CAST: variants seen among roughly 807,000 people sequenced by gnomAD.
The protein encoded by CAST is MIR583 host.
A neutral mutation model predicts 119.6 loss-of-function variants in CAST; 76 were observed. The ratio of observed to expected loss-of-function variants is 0.64; its 90% CI spans 0.53 to 0.77. CAST has a LOEUF of 0.77. Ranked by LOEUF, CAST falls within the 30% of genes least tolerant of loss-of-function variation. The probability of loss-of-function intolerance (pLI) is 0.00; values close to 1 mark genes in which losing one functional copy is unlikely to be tolerated. For missense variants in CAST, 953 were observed against 946.5 expected, an observed-to-expected ratio of 1.01 and a Z score of -0.09; for synonymous variants, 319 against 331.6, an observed-to-expected ratio of 0.96 and a Z score of 0.41.
chr5:96,675,321 G>C (rs1350988256), intron 1 of CAST, among the ~76,000 whole-genome samples: 1 of 152,210 alleles, frequency 6.6e-6, no homozygotes, highest in East Asian at 1.9e-4. Context: ...TCTGCATCTA[G>C]TTAATTACAG....
At chr5:96,766,638 C>G (rs952170611) in intron 27 of CAST, among the ~76,000 whole-genome samples, 2 of 152,186 alleles carry the variant, frequency 1.3e-5, no homozygotes, top group African/African-American at 4.8e-5. Flanking sequence ...AATCACAAAT[C>G]CTGTTTCTCT....
intron 24 of CAST, among the ~76,000 whole-genome samples, chr5:96,758,156 T>C (rs761352608): frequency 2.0e-5 from 3 of 152,296 alleles, no homozygotes; most frequent in Non-Finnish European, 4.4e-5. Flanking sequence ...CTTTTATTAG[T>C]GTAACTAATA....
At chr5:96,724,190 T>TAA (rs1561526014) in intron 4 of CAST, among the ~76,000 whole-genome samples, 4 of 152,030 alleles carry the variant, frequency 2.6e-5, no homozygotes, top group Non-Finnish European at 5.9e-5. Context: ...AAAAATCTTT[T>TAA]TTTTTCCTTG....
chr5:96,135,325 G>A, the CAST span, among the ~76,000 whole-genome samples: 1 of 152,150 alleles, frequency 6.6e-6, no homozygotes, highest in Non-Finnish European at 1.5e-5. Context: ...TGGGACCAGG[G>A]GTGGCAGTGA....
chr5:96,073,151 C>T, the CAST span, among the ~76,000 whole-genome samples: 1 of 152,206 alleles, frequency 6.6e-6, no homozygotes, highest in Admixed American at 6.5e-5. Context: ...ACATACACAA[C>T]ACTGGTAACA....
the CAST span, among the ~76,000 whole-genome samples, chr5:96,432,636 C>A: frequency 7.5e-4 from 114 of 152,322 alleles, no homozygotes; most frequent in Non-Finnish European, 8.8e-5. Context: ...AAGCCCTACC[C>A]AGCTGCAGCG....
chr5:96,467,880 CT>C, the CAST span, among the ~76,000 whole-genome samples: 2 of 152,084 alleles, frequency 1.3e-5, no homozygotes, highest in Admixed American at 1.3e-4. Flanking sequence ...AATCTCACTA[CT>C]GGGTATCTAC....
At chr5:96,492,002 A>G in the CAST span, among the ~76,000 whole-genome samples, 1 of 152,242 alleles carries the variant, frequency 6.6e-6, no homozygotes, top group African/African-American at 2.4e-5. Flanking sequence ...AATAACTAGA[A>G]GAAGGCACAG....
the CAST span, among the ~76,000 whole-genome samples, chr5:96,446,883 C>T: frequency 6.6e-6 from 1 of 152,202 alleles, no homozygotes; most frequent in African/African-American, 2.4e-5. Flanking sequence ...AGTTTCTGTC[C>T]TCATCAGACC....
chr5:96,561,332 G>A (rs932847692), intron 1 of CAST, among the ~76,000 whole-genome samples: 4 of 150,066 alleles, frequency 2.7e-5, no homozygotes, highest in African/African-American at 4.9e-5. Flanking sequence ...TTGTGTACAC[G>A]TACCCTAAAA....
the CAST span, among the ~76,000 whole-genome samples, chr5:96,355,858 C>T: frequency 2.6e-5 from 4 of 152,064 alleles, no homozygotes; most frequent in Admixed American, 1.3e-4. Flanking sequence ...CACACCACCA[C>T]GCCCAGCTAA....
At chr5:96,607,142 G>T (rs111526440) in intron 1 of CAST, among the ~76,000 whole-genome samples, 11 of 152,250 alleles carry the variant, frequency 7.2e-5, no homozygotes, top group African/African-American at 1.4e-4. Flanking sequence ...CAAAAAATTA[G>T]CCGGGCGTGG....
chr5:96,765,094 C>G (rs1304071635), intron 25 of CAST, 127 bp from the exon 26 acceptor site: 5 of 674,116 alleles, frequency 7.4e-6, no homozygotes, highest in Non-Finnish European at 1.3e-5. Flanking sequence ...CTCCCCTGCC[C>G]CAGCCCCAGA....
At chr5:96,434,752 A>T in the CAST span, among the ~76,000 whole-genome samples, 2 of 152,220 alleles carry the variant, frequency 1.3e-5, no homozygotes, top group Non-Finnish European at 2.9e-5. Flanking sequence ...GATGTTCCTT[A>T]CAAGAAGCAA....
At chr5:96,111,951 AT>A in the CAST span, among the ~76,000 whole-genome samples, 1 of 151,784 alleles carries the variant, frequency 6.6e-6, no homozygotes, top group Non-Finnish European at 1.5e-5. Context: ...CCAGCTGTGC[AT>A]TTTTTTAAAC....
the CAST span, among the ~76,000 whole-genome samples, chr5:96,242,940 C>T: frequency 6.6e-6 from 1 of 152,114 alleles, no homozygotes. Flanking sequence ...ATTGAGGTTT[C>T]TTCATATTTC....
chr5:96,643,397 G>C (rs886250987), intron 1 of CAST, among the ~76,000 whole-genome samples: 2 of 152,134 alleles, frequency 1.3e-5, no homozygotes, highest in Non-Finnish European at 2.9e-5. Flanking sequence ...GTTGTTTATG[G>C]CTGGTGAGGG....
the CAST span, among the ~76,000 whole-genome samples, chr5:96,486,680 G>C: frequency 1.3e-4 from 20 of 148,218 alleles, no homozygotes; most frequent in Non-Finnish European, 2.5e-4. Flanking sequence ...GATTACACTG[G>C]AGTTCTATGT....
the CAST span, among the ~76,000 whole-genome samples, chr5:96,308,234 T>G: frequency 1.3e-5 from 2 of 151,824 alleles, no homozygotes; most frequent in African/African-American, 4.8e-5. Context: ...TTTCTTCTGC[T>G]TGGTCAATTC....
Sources: allele counts gnomAD v4.1 joint callset (sites outside exome capture counted in the v4.1 genomes callset), GRCh38; gene constraint gnomAD v4.1.1; transcripts MANE v1.5; gene names NCBI Gene and HGNC (gene_info 2026-07-23, HGNC 2026-07-21).